MFHAS1: variants seen among roughly 807,000 people sequenced by gnomAD.
The protein encoded by MFHAS1 is multifunctional ROCO family signaling regulator 1, also known as malignant fibrous histiocytoma-amplified sequence 1.
MFHAS1 carries 50 observed loss-of-function variants against 70.4 expected under a neutral mutation model. The observed-to-expected ratio is 0.71, with a 90% CI of 0.57 to 0.90. The LOEUF (loss-of-function observed/expected upper bound fraction) is 0.90, where lower values mean the gene tolerates loss of function less well. MFHAS1 is among the 40% of genes least tolerant of loss of function. The pLI is 0.00. For synonymous variants in MFHAS1, 952 were observed against 620.0 expected (o/e 1.54, Z -7.96); for missense variants, 1,795 against 1,347.6 (o/e 1.33, Z -5.20).
intron 1 of MFHAS1, among the ~76,000 whole-genome samples, chr8:8,866,068 T>C (rs1380275179): frequency 6.6e-6 from 1 of 152,148 alleles, no homozygotes; most frequent in Non-Finnish European, 1.5e-5. Flanking sequence ...GCTGGCCAAT[T>C]TTTAGAAAGC....
chr8:8,851,025 T>C (rs1412068826), intron 1 of MFHAS1, among the ~76,000 whole-genome samples: 1 of 152,114 alleles, frequency 6.6e-6, no homozygotes, highest in African/African-American at 2.4e-5. Flanking sequence ...CCTTAGTGAA[T>C]CTCCTCGACT....
chr8:8,887,962 T>C (rs1809834175), intron 1 of MFHAS1, among the ~76,000 whole-genome samples: 3 of 152,072 alleles, frequency 2.0e-5, no homozygotes, highest in Admixed American at 2.0e-4. Context: ...TTGTTGTTAA[T>C]AACATTCGTT....
At chr8:8,868,503 T>C (rs1808948004) in intron 1 of MFHAS1, among the ~76,000 whole-genome samples, 2 of 151,668 alleles carry the variant, frequency 1.3e-5, no homozygotes, top group Non-Finnish European at 2.9e-5. Flanking sequence ...TAGACAGATG[T>C]GCCCTTCCAA....
At chr8:8,814,368 G>T (rs751143442) in intron 1 of MFHAS1, among the ~76,000 whole-genome samples, 5 of 152,206 alleles carry the variant, frequency 3.3e-5, no homozygotes, top group Non-Finnish European at 7.3e-5. Flanking sequence ...TGTAGCCCAA[G>T]AGCAATAGGC....
chr8:8,887,026 C>G (rs1331211947), intron 1 of MFHAS1, among the ~76,000 whole-genome samples: 1 of 152,140 alleles, frequency 6.6e-6, no homozygotes, highest in Non-Finnish European at 1.5e-5. Flanking sequence ...ACTTGGGAGG[C>G]TGAGGCAGGA....
chr8:8,852,016 A>T (rs1808264721), intron 1 of MFHAS1, among the ~76,000 whole-genome samples: 2 of 152,188 alleles, frequency 1.3e-5, no homozygotes, highest in African/African-American at 4.8e-5. Context: ...TGCCAAGCCC[A>T]GTTTTGGATA....
At chr8:8,849,179 C>G (rs1808149746) in intron 1 of MFHAS1, among the ~76,000 whole-genome samples, 1 of 140,492 alleles carries the variant, frequency 7.1e-6, no homozygotes, top group African/African-American at 2.6e-5. Flanking sequence ...CTCCCGTGTT[C>G]AAGCGATTCT....
intron 1 of MFHAS1, among the ~76,000 whole-genome samples, chr8:8,830,238 A>C (rs1563193673): frequency 6.6e-6 from 1 of 152,196 alleles, no homozygotes; most frequent in Non-Finnish European, 1.5e-5. Context: ...CAAAAGGCTC[A>C]AGGAAGAAAT....
intron 1 of MFHAS1, among the ~76,000 whole-genome samples, chr8:8,811,262 G>T (rs1397606279): frequency 1.3e-5 from 2 of 151,940 alleles, no homozygotes; most frequent in African/African-American, 4.8e-5. Context: ...ACCCAGCACT[G>T]CCAAGCCTCT....
At chr8:8,838,811 C>CAA (rs33959926) in intron 1 of MFHAS1, among the ~76,000 whole-genome samples, 29,738 of 135,968 alleles carry the variant, frequency 0.22, 3,933 homozygotes, top group East Asian at 0.44. Context: ...GACCCTGCCT[C>CAA]AAAAAAAAAA....
At chr8:8,828,514 CG>C (rs1156895462) in intron 1 of MFHAS1, among the ~76,000 whole-genome samples, 1 of 152,110 alleles carries the variant, frequency 6.6e-6, no homozygotes, top group African/African-American at 2.4e-5. Flanking sequence ...GGTAACAGCC[CG>C]GGCCCTAGTC....
At chr8:8,810,632 G>A (rs566737261) in intron 1 of MFHAS1, among the ~76,000 whole-genome samples, 10 of 152,112 alleles carry the variant, frequency 6.6e-5, no homozygotes, top group African/African-American at 9.6e-5. Context: ...TTAGTTTATC[G>A]TAAGAGCACA....
intron 1 of MFHAS1, among the ~76,000 whole-genome samples, chr8:8,818,563 G>A (rs926672921): frequency 2.6e-5 from 4 of 152,178 alleles, no homozygotes; most frequent in Non-Finnish European, 5.9e-5. Flanking sequence ...TCTCATCTGT[G>A]CTCTGTGGAT....
At chr8:8,849,976 A>G (rs571958948) in intron 1 of MFHAS1, among the ~76,000 whole-genome samples, 1 of 152,372 alleles carries the variant, frequency 6.6e-6, no homozygotes, top group East Asian at 1.9e-4. Context: ...AACTTTCAGG[A>G]AAGCAAAGGA....
chr8:8,821,243 C>G (rs1280713844), intron 1 of MFHAS1, among the ~76,000 whole-genome samples: 1 of 152,156 alleles, frequency 6.6e-6, no homozygotes, highest in Non-Finnish European at 1.5e-5. Flanking sequence ...TTACAGGATG[C>G]CTCTAAGGCC....
chr8:8,813,739 T>C (rs879871509), intron 1 of MFHAS1, among the ~76,000 whole-genome samples: 1 of 152,142 alleles, frequency 6.6e-6, no homozygotes, highest in Admixed American at 6.5e-5. Context: ...AAAGTTACAG[T>C]AAGCTAAGGT....
rs1353920110 is a variant in MFHAS1, at chr8:8,783,757, G to C, written c.*2265C>G. ...GAATCACCTATCGCCTCGGTGGGCT[G>C]CTGTGTCTTTCCAGGTGCTGAAAGA... On this transcript the variant is annotated 3_prime_UTR_variant, in exon 3 of 3. Coordinates refer to ENST00000276282, the MANE Select transcript of MFHAS1 (RefSeq NM_004225.3). 2.0e-5 allele frequency: 3 copies of C among 152,092 alleles called. No homozygotes were observed. Among genetic ancestry groups the C allele is most frequent in the African/African-American group, 4.8e-5 (2 of 41,400 alleles). The allele number at this position is 152,092 out of a possible 1,614,324, so 9.4% of individuals were successfully genotyped here. A position where few individuals can be genotyped will look rare whatever the true frequency, so the allele number is the denominator to read the frequency against.
intron 1 of MFHAS1, among the ~76,000 whole-genome samples, chr8:8,882,830 A>AC (rs1809580870): frequency 6.6e-6 from 1 of 150,790 alleles, no homozygotes; most frequent in African/African-American, 2.4e-5. Context: ...CCTGACAACC[A>AC]CCCCCCAGCA....
intron 1 of MFHAS1, among the ~76,000 whole-genome samples, chr8:8,865,031 T>G (rs1026869586): frequency 1.3e-5 from 2 of 152,000 alleles, no homozygotes; most frequent in African/African-American, 4.8e-5. Context: ...ATCCCAGCAC[T>G]TGAGGAGGGC....
Sources: allele counts gnomAD v4.1 joint callset (sites outside exome capture counted in the v4.1 genomes callset), GRCh38; gene constraint gnomAD v4.1.1; transcripts MANE v1.5; gene names NCBI Gene and HGNC (gene_info 2026-07-23, HGNC 2026-07-21).